HSPH1: variants seen among roughly 807,000 people sequenced by gnomAD.
HSPH1 encodes the protein heat shock protein 105 kDa.
In HSPH1, 40 loss-of-function variants were observed where a neutral mutation model predicts 100.0. That is an observed-to-expected ratio of 0.40 (90% CI 0.31 to 0.52). The LOEUF (loss-of-function observed/expected upper bound fraction) is 0.52, where lower values mean the gene tolerates loss of function less well. HSPH1 is among the 20% of genes least tolerant of loss of function. The pLI is 0.54. For synonymous variants in HSPH1, 403 were observed against 344.0 expected, an observed-to-expected ratio of 1.17 and a Z score of -1.90; for missense variants, 876 against 1,015.1, an observed-to-expected ratio of 0.86 and a Z score of 1.86.
Position 31,143,775 on chromosome 13 carries a change from C to A in HSPH1, c.1716+17G>T, listed in dbSNP as rs1273741736. 2.5e-6 allele frequency: 4 copies of A among 1,599,902 alleles called. No homozygotes were observed. The South Asian group carries it at 3.4e-5, about 14-fold the overall frequency. On this transcript the variant is annotated intron_variant, in intron 12 of 17. Coordinates refer to ENST00000320027, the MANE Select transcript of HSPH1 (RefSeq NM_006644.4). ...TTGCAACATTGTCTAATGGAATGAA[C>A]TAGAAGAGTCACTCACTTTGTCAGC...
chr13:31,157,399 C>T (rs928065228), intron 2 of HSPH1, among the ~76,000 whole-genome samples: 7 of 152,276 alleles, frequency 4.6e-5, no homozygotes, highest in Middle Eastern at 6.8e-3. Flanking sequence ...TCCAATGTAA[C>T]AAGGAAATAA....
chr13:31,137,646 C>T, intron 17 of HSPH1, 122 bp from the exon 18 acceptor site: 1 of 692,852 alleles, frequency 1.4e-6, no homozygotes, highest in Admixed American at 3.0e-5. Flanking sequence ...AAAATAATTA[C>T]ATTTTCTCAT....
chr13:31,157,039 ATTTAC>A (rs2137646999), intron 2 of HSPH1, among the ~76,000 whole-genome samples: 1 of 152,338 alleles, frequency 6.6e-6, no homozygotes, highest in African/African-American at 2.4e-5. Flanking sequence ...ACAGTATATT[ATTTAC>A]TTTTTCTCTT....
At chr13:31,160,806 T>G (rs1956872108) in intron 1 of HSPH1, among the ~76,000 whole-genome samples, 10 of 152,216 alleles carry the variant, frequency 6.6e-5, no homozygotes, top group Admixed American at 6.5e-4. Flanking sequence ...CGTTTACATC[T>G]TTCGACAATG....
chr13:31,147,938 T>C (rs973647830), intron 10 of HSPH1, 21 bp downstream of exon 10: 16 of 1,561,092 alleles, frequency 1.0e-5, no homozygotes, highest in Admixed American at 6.7e-5. Context: ...AAGAGTAAAA[T>C]ATACACAATG....
intron 14 of HSPH1, among the ~76,000 whole-genome samples, chr13:31,139,785 C>A: frequency 6.6e-6 from 1 of 152,108 alleles, no homozygotes; most frequent in Admixed American, 6.5e-5. Flanking sequence ...AGGGGAATAA[C>A]GGGGCTTAGT....
In HSPH1 at chr13:31,140,174, T is replaced by C; in HGVS notation, c.1980+10A>G. ...GACTATCTGAACAAAAACAGAGCTC[T>C]AAGACATACCTGCTCACATATAAAT... On this transcript the variant is annotated intron_variant, in intron 14 of 17. Coordinates refer to ENST00000320027, the MANE Select transcript of HSPH1 (RefSeq NM_006644.4). 6.2e-7 allele frequency: 1 copy of C among 1,608,818 alleles called. No individual in the cohort carries two copies. Among genetic ancestry groups the C allele is most frequent in the Non-Finnish European group, 8.5e-7 (1 of 1,176,886 alleles).
chr13:31,146,890 T>G (rs549983417), intron 10 of HSPH1, among the ~76,000 whole-genome samples: 1 of 152,288 alleles, frequency 6.6e-6, no homozygotes, highest in African/African-American at 2.4e-5. Context: ...AAATGGAATT[T>G]AACTGCCTAG....
Position 31,138,929 on chromosome 13 carries a change from T to C in HSPH1, c.2089-29A>G, listed in dbSNP as rs752084602. 5.1e-6 allele frequency: 8 copies of C among 1,572,712 alleles called. No homozygotes were observed. The South Asian group carries it at 8.2e-5, about 16-fold the overall frequency. On this transcript the variant is annotated intron_variant, in intron 15 of 17. Coordinates refer to ENST00000320027, the MANE Select transcript of HSPH1 (RefSeq NM_006644.4). ...AAATAAAATGTAATAAATTAATAGT[T>C]ATCATAATTTTATTTTAAAGTCTAT...
At chr13:31,149,562 T>G (rs1283968633) in intron 8 of HSPH1, among the ~76,000 whole-genome samples, 1 of 152,186 alleles carries the variant, frequency 6.6e-6, no homozygotes, top group Non-Finnish European at 1.5e-5. Flanking sequence ...TCTAAAACCA[T>G]TTGTTAATAT....
At chr13:31,158,002 C>T (rs1396794515) in intron 2 of HSPH1, among the ~76,000 whole-genome samples, 6 of 152,160 alleles carry the variant, frequency 3.9e-5, no homozygotes, top group African/African-American at 1.4e-4. Context: ...TCAGACGAGC[C>T]ACATTTCAAA....
chr13:31,138,260 G>A, intron 17 of HSPH1, 147 bp downstream of exon 17: 1 of 725,586 alleles, frequency 1.4e-6, no homozygotes. Context: ...TCTGTATTTT[G>A]TGACAGAATA....
chr13:31,161,210 G>A (rs1235113905), intron 1 of HSPH1, among the ~76,000 whole-genome samples: 4 of 152,116 alleles, frequency 2.6e-5, no homozygotes, highest in Non-Finnish European at 2.9e-5. Flanking sequence ...TAGGAAGCCC[G>A]CACAAGGTGA....
rs760090985 is a variant in HSPH1, at chr13:31,137,105, A to G, written c.*213T>C. The G allele has an allele frequency of 9.8e-6, 7 of 717,328 alleles. No individual in the cohort carries two copies. Among genetic ancestry groups the G allele is most frequent in the Admixed American group, 1.8e-5 (1 of 55,546 alleles). 44.4% of individuals were successfully genotyped at this position (717,328 alleles called of 1,614,324 possible). On this transcript the variant is annotated 3_prime_UTR_variant, in exon 18 of 18. Transcript: ENST00000320027. ...ACAGAAAGCTTAGTATGAATTCACA[A>G]TTCCACAGGAATCTGAAAGTTACCA...
intron 2 of HSPH1, among the ~76,000 whole-genome samples, chr13:31,156,767 G>GT (rs1184971119): frequency 6.6e-6 from 1 of 152,180 alleles, no homozygotes; most frequent in Non-Finnish European, 1.5e-5. Context: ...CTGCATGTGC[G>GT]TATTCTGAAG....
chr13:31,152,998 C>T (rs1458120925), intron 4 of HSPH1, 47 bp from the exon 5 acceptor site: 1 of 1,264,094 alleles, frequency 7.9e-7, no homozygotes, highest in South Asian at 1.2e-5. Context: ...ACAAAATATA[C>T]TTAGAAATTC....
chr13:31,154,447 T>C, intron 4 of HSPH1, 186 bp downstream of exon 4: 7 of 669,816 alleles, frequency 1.0e-5, no homozygotes, highest in Non-Finnish European at 1.8e-5. Flanking sequence ...TCAAGAACCT[T>C]TGCCGCTTCT....
At position 31,145,724 on chromosome 13, in the gene HSPH1, T is replaced by C; in HGVS notation, c.1423A>G (p.Lys475Glu). 1 of 1,613,650 alleles carries C rather than the reference T, an allele frequency of 6.2e-7. No individual in the cohort carries two copies. The highest frequency in any genetic ancestry group is 8.5e-7 in the Non-Finnish European group (1 of 1,179,726). ...CGCACTTTGACTTTTACTCTAGATT[T>C]TTCTCCATCTTTCTGTGCAGAAACA... ...QNVSAQKDGE[K>E]SRVKVKVRVN... The change falls in exon 11 of 18, where the codon AAA becomes GAA. Residue 475 changes from lysine to glutamate, a missense_variant. By Grantham distance (56) the Lys-to-Glu change is moderately conservative. Coordinates refer to ENST00000320027, the MANE Select transcript of HSPH1 (RefSeq NM_006644.4).
In HSPH1 at chr13:31,145,584, T is replaced by C; in HGVS notation, c.1563A>G (p.Pro521=). The change falls in exon 11 of 18, where the codon CCA becomes CCG. Residue 521 remains proline (P), a synonymous_variant. Transcript: ENST00000320027. ...EADMECLNQR[P]PENPDTDKNV... The stretch of plus-strand genomic sequence containing the variant: ...TTACATCAGTGTCTGGGTTTTCTGG[T>C]GGTCTCTGATTCAGACACTCCATGT... The C allele has an allele frequency of 1.2e-6, 2 of 1,613,402 alleles. No homozygotes were observed. Among genetic ancestry groups the C allele is most frequent in the Non-Finnish European group, 1.7e-6 (2 of 1,179,622 alleles).
Sources: gnomAD v4.1 joint callset for allele counts (sites outside exome capture counted in the v4.1 genomes callset) on GRCh38, gnomAD v4.1.1 for gene constraint, MANE v1.5 for transcripts, NCBI Gene and HGNC (gene_info 2026-07-23, HGNC 2026-07-21) for gene names.